Variants in RTCB observed in about 807,000 individuals in gnomAD.
RTCB encodes the protein RNA-splicing ligase RTCB.
In RTCB, 32 loss-of-function variants were observed where a neutral mutation model predicts 58.2. That is an observed-to-expected ratio of 0.55 (90% CI 0.41 to 0.74). The LOEUF (loss-of-function observed/expected upper bound fraction) is 0.74, where lower values mean the gene tolerates loss of function less well. RTCB is among the 30% of genes least tolerant of loss of function. The pLI, the probability that RTCB is intolerant of heterozygous loss-of-function variation, is 0.00. For synonymous variants in RTCB, 247 were observed against 218.6 expected (o/e 1.13, Z -1.15); for missense variants, 523 against 639.0 (o/e 0.82, Z 1.96).
intron 5 of RTCB, among the ~76,000 whole-genome samples, chr22:32,400,925 A>G (rs552440703): frequency 6.6e-6 from 1 of 152,256 alleles, no homozygotes; most frequent in Non-Finnish European, 1.5e-5. Context: ...GAGATACACT[A>G]TAGCATTATA....
chr22:32,389,233 G>C (rs188114540), intron 11 of RTCB, among the ~76,000 whole-genome samples: 1 of 152,090 alleles, frequency 6.6e-6, no homozygotes, highest in South Asian at 2.1e-4. Context: ...GCCAATGACT[G>C]TCTCTCCCCT....
intron 4 of RTCB, among the ~76,000 whole-genome samples, chr22:32,403,248 T>C (rs1933367024): frequency 6.6e-6 from 1 of 151,782 alleles, no homozygotes; most frequent in Non-Finnish European, 1.5e-5. Flanking sequence ...CTACTAAAAA[T>C]ACAAAAAAAT....
At position 32,396,175 on chromosome 22, in the gene RTCB, G is replaced by A. The variant is rs949401681; in HGVS notation, c.889C>T (p.Arg297Ter). 5 of 1,614,108 alleles carry A rather than the reference G, an allele frequency of 3.1e-6. No individual in the cohort carries two copies. Among genetic ancestry groups the A allele is most frequent in the Non-Finnish European group, 4.2e-6 (5 of 1,180,016 alleles). Residue 297 changes from arginine (R) to a stop codon, truncating the protein, a stop_gained, in exon 8 of 12, where the codon CGA (arginine) becomes TGA (stop). Transcript: ENST00000216038. LOFTEE classifies it high-confidence loss of function. The part of the protein sequence containing the change: ...IVNDRQLACA[R>*]IASPEGQDYL... ...TCTTGACCCTCTGGGGAAGCGATTCGAGCACAAGCCAACTGCCGATCATTG... is the reference window on the plus strand; with the variant it reads ...TCTTGACCCTCTGGGGAAGCGATTCAAGCACAAGCCAACTGCCGATCATTG...
chr22:32,390,550 G>A (rs956524507), intron 11 of RTCB, among the ~76,000 whole-genome samples: 12 of 151,694 alleles, frequency 7.9e-5, no homozygotes, highest in African/African-American at 2.7e-4. Flanking sequence ...CCGCGTTCAC[G>A]CCGTTCTCCT....
At chr22:32,399,915 G>T (rs1174618417) in intron 5 of RTCB, 156 bp from the exon 6 acceptor site, 1 of 548,766 alleles carries the variant, frequency 1.8e-6, no homozygotes, top group East Asian at 2.8e-5. Flanking sequence ...CTCAGTAACT[G>T]GTTTTTTGAG....
At chr22:32,401,547 G>A (rs1312695675) in intron 5 of RTCB, 200 bp downstream of exon 5, 1 of 533,164 alleles carries the variant, frequency 1.9e-6, no homozygotes, top group Non-Finnish European at 3.3e-6. Flanking sequence ...ACTACTCTAT[G>A]TCAAAGGCTG....
At chr22:32,409,487 T>C (rs1003737174) in intron 1 of RTCB, among the ~76,000 whole-genome samples, 3 of 152,332 alleles carry the variant, frequency 2.0e-5, no homozygotes, top group East Asian at 1.9e-4. Context: ...GACATACTTA[T>C]GTAACACTAA....
At chr22:32,398,226 A>G (rs894858630) in intron 6 of RTCB, 126 bp from the exon 7 acceptor site, 37 of 1,032,236 alleles carry the variant, frequency 3.6e-5, no homozygotes, top group Non-Finnish European at 4.8e-5. Flanking sequence ...TTCAGTAACA[A>G]AAAAATTCCT....
At chr22:32,400,807 A>G (rs1395386874) in intron 5 of RTCB, among the ~76,000 whole-genome samples, 8 of 152,228 alleles carry the variant, frequency 5.3e-5, no homozygotes, top group Admixed American at 5.2e-4. Context: ...AAAGCAAAAT[A>G]TTAAAGAAAC....
intron 7 of RTCB, 137 bp downstream of exon 7, chr22:32,397,804 C>T (rs1933270725): frequency 3.0e-6 from 2 of 669,178 alleles, no homozygotes; most frequent in South Asian, 6.0e-5. Context: ...AAGTTATGGC[C>T]CAGTGAATTT....
chr22:32,388,488 A>G (rs1487802786), intron 11 of RTCB, among the ~76,000 whole-genome samples: 1 of 152,184 alleles, frequency 6.6e-6, no homozygotes, highest in Non-Finnish European at 1.5e-5. Context: ...TTCTTCCTTT[A>G]TATATTTCTG....
chr22:32,389,385 C>T (rs1221417552), intron 11 of RTCB, among the ~76,000 whole-genome samples: 1 of 152,172 alleles, frequency 6.6e-6, no homozygotes, highest in African/African-American at 2.4e-5. Context: ...TCTATACCTT[C>T]TCTCCTTTTA....
Position 32,406,660 on chromosome 22 carries a change from A to T in RTCB, c.340+2T>A. The T allele has an allele frequency of 6.2e-7, 1 of 1,600,004 alleles. No homozygotes were observed. Among genetic ancestry groups the T allele is most frequent in the Non-Finnish European group, 8.6e-7 (1 of 1,167,694 alleles). ...AACAGCAGATGTCCACAGTGATCTT[A>T]CCTGGGGATACTACTGCTTCAGGGT... On this transcript the variant is annotated splice_donor_variant, in intron 4 of 11. Coordinates refer to ENST00000216038, the MANE Select transcript of RTCB (RefSeq NM_014306.5). LOFTEE classifies it high-confidence loss of function.
chr22:32,408,832 A>T lies in RTCB; in HGVS notation c.95T>A (p.Val32Asp). The change falls in exon 2 of 12, where the codon GTT becomes GAT. Residue 32 changes from valine (V) to aspartate (D), a missense_variant and splice_region_variant. By Grantham distance (152) the Val-to-Asp change is radical (BLOSUM62 -3). Coordinates refer to ENST00000216038, the MANE Select transcript of RTCB (RefSeq NM_014306.5). The stretch of plus-strand genomic sequence containing the variant: ...ATCATTCACATAGAAAACACCTTCA[A>T]CCTAGTACCAAGGAAAGTGAAAAGC... Reference protein sequence around the residue: ...IKKGFVPNMQVEGVFYVNDAL... With the variant: ...IKKGFVPNMQDEGVFYVNDAL... The T allele has an allele frequency of 6.2e-7, 1 of 1,611,976 alleles. No individual in the cohort carries two copies. The highest frequency in any genetic ancestry group is 1.1e-5 in the South Asian group (1 of 91,034).
intron 5 of RTCB, among the ~76,000 whole-genome samples, chr22:32,401,130 G>A (rs949837966): frequency 1.4e-5 from 2 of 141,904 alleles, no homozygotes; most frequent in African/African-American, 5.3e-5. Context: ...GGGTCACTCT[G>A]TTGCCCACGC....
chr22:32,402,485 T>C (rs564959147), intron 4 of RTCB, among the ~76,000 whole-genome samples: 14 of 152,262 alleles, frequency 9.2e-5, no homozygotes, highest in Non-Finnish European at 1.9e-4. Context: ...AGTCTCACTC[T>C]GTCGCCCAGG....
intron 8 of RTCB, 132 bp from the exon 9 acceptor site, chr22:32,395,346 G>GT (rs1933228534): frequency 9.9e-6 from 7 of 706,574 alleles, no homozygotes; most frequent in Admixed American, 5.9e-5. Flanking sequence ...AAAAGTAGCC[G>GT]TAAGATTATC....
At chr22:32,388,995 C>T (rs998624595) in intron 11 of RTCB, among the ~76,000 whole-genome samples, 2 of 152,148 alleles carry the variant, frequency 1.3e-5, no homozygotes, top group Non-Finnish European at 2.9e-5. Flanking sequence ...TGCTGTTTTC[C>T]CCAAATCAGG....
chr22:32,390,462 T>A (rs1933134962), intron 11 of RTCB, among the ~76,000 whole-genome samples: 1 of 152,210 alleles, frequency 6.6e-6, no homozygotes, highest in Non-Finnish European at 1.5e-5. Context: ...CCTTTTTTTT[T>A]TTTTGAGATG....
Sources: allele counts gnomAD v4.1 joint callset (sites outside exome capture counted in the v4.1 genomes callset), GRCh38; gene constraint gnomAD v4.1.1; transcripts MANE v1.5; gene names NCBI Gene and HGNC (gene_info 2026-07-23, HGNC 2026-07-21).